The following ANKRD17 variants were observed in gnomAD, a reference collection of about 807,000 sequenced individuals.
The protein encoded by ANKRD17 is ankyrin repeat domain 17.
ANKRD17 carries 19 observed loss-of-function variants against 229.7 expected under a neutral mutation model. That is an observed-to-expected ratio of 0.08 (90% CI 0.06 to 0.12). The LOEUF (loss-of-function observed/expected upper bound fraction) is 0.12. Among genes scored for constraint, ANKRD17 ranks in the 10% least tolerant of loss-of-function variants. The pLI is 1.00. For missense variants in ANKRD17, 2,176 were observed against 3,176.8 expected (o/e 0.68, Z 7.57); for synonymous variants, 1,112 against 1,146.1 (o/e 0.97, Z 0.60).
intron 30 of ANKRD17, among the ~76,000 whole-genome samples, chr4:73,082,108 C>T (rs925029766): frequency 8.7e-5 from 13 of 149,032 alleles, no homozygotes; most frequent in Non-Finnish European, 1.5e-4. Context: ...CAAGATTGTG[C>T]CACTACATTC....
intron 28 of ANKRD17, 30 bp from the exon 29 acceptor site, chr4:73,092,330 A>G: frequency 1.3e-6 from 2 of 1,554,520 alleles, no homozygotes; most frequent in Non-Finnish European, 1.7e-6. Flanking sequence ...AATTAGGTAG[A>G]ATTTTCCCTA....
At chr4:73,191,002 A>C (rs1267916739) in intron 1 of ANKRD17, among the ~76,000 whole-genome samples, 3 of 152,162 alleles carry the variant, frequency 2.0e-5, no homozygotes, top group Non-Finnish European at 2.9e-5. Context: ...TTAATCTGTA[A>C]ATTCAATGCA....
In ANKRD17 at chr4:73,139,777, G is replaced by C; in HGVS notation, c.2839C>G (p.Gln947Glu). 1 of 1,614,200 alleles carries C rather than the reference G, an allele frequency of 6.2e-7. No homozygotes were observed. The highest frequency in any genetic ancestry group is 8.5e-7 in the Non-Finnish European group (1 of 1,180,040). The change falls in exon 15 of 34, where the codon CAG becomes GAG. Residue 947 changes from glutamine (Q) to glutamate (E), a missense_variant. Physicochemically the swap from Gln to Glu is conservative, Grantham distance 29 (BLOSUM62 2). This residue lies in a region of ANKRD17 where 230 missense variants were observed against 252.3 expected (regional missense o/e 0.91). Coordinates refer to ENST00000358602, the MANE Select transcript of ANKRD17 (RefSeq NM_032217.5). The part of the protein sequence containing the change: ...LKDEPQQTAA[Q>E]MGFAPIQPLA... Reference sequence around the variant, plus strand: ...GGCTGGATTGGCGCAAAACCCATCTGAGCAGCAGTCTGCTGGGGTTCATCT... The same window carrying C: ...GGCTGGATTGGCGCAAAACCCATCTCAGCAGCAGTCTGCTGGGGTTCATCT...
At position 73,135,261 on chromosome 4, in the gene ANKRD17, G is replaced by A; in HGVS notation, c.3090C>T (p.Val1030=). The A allele has an allele frequency of 6.2e-7, 1 of 1,609,430 alleles. No individual in the cohort carries two copies. The highest frequency in any genetic ancestry group is 8.5e-7 in the Non-Finnish European group (1 of 1,177,346). ...NDTLDDIMAA[V]SGRASAMSNT... ...TTGACATTGCAGATGCTCTTCCACT[G>A]ACTGCTGTTGAACAAAATAACTGCA... is the stretch of plus-strand genomic sequence containing the variant. The change falls in exon 16 of 34, where the codon GTC becomes GTT. Residue 1030 remains valine, a synonymous_variant. Coordinates refer to ENST00000358602, the MANE Select transcript of ANKRD17 (RefSeq NM_032217.5).
chr4:73,183,065 C>A (rs1735792516), intron 1 of ANKRD17, among the ~76,000 whole-genome samples: 1 of 152,140 alleles, frequency 6.6e-6, no homozygotes, highest in Admixed American at 6.5e-5. Flanking sequence ...AAATGTGGAA[C>A]ATTTTGCAGC....
intron 2 of ANKRD17, among the ~76,000 whole-genome samples, chr4:73,169,903 G>T (rs908278849): frequency 1.3e-5 from 2 of 152,120 alleles, no homozygotes; most frequent in Non-Finnish European, 2.9e-5. Flanking sequence ...CAAGGAAATT[G>T]TCCATCCCAG....
intron 24 of ANKRD17, among the ~76,000 whole-genome samples, chr4:73,105,167 A>G (rs1272097204): frequency 1.3e-5 from 2 of 152,160 alleles, no homozygotes. Context: ...AAAATGACCC[A>G]ACTTTACATG....
intron 1 of ANKRD17, among the ~76,000 whole-genome samples, chr4:73,203,413 C>A (rs879666119): frequency 6.6e-6 from 1 of 151,966 alleles, no homozygotes; most frequent in African/African-American, 2.4e-5. Context: ...TATCTAAAAA[C>A]GTGTAACTGG....
intron 1 of ANKRD17, among the ~76,000 whole-genome samples, chr4:73,239,926 G>C (rs941631388): frequency 6.6e-6 from 1 of 152,054 alleles, no homozygotes; most frequent in Non-Finnish European, 1.5e-5. Context: ...CCCCTCAATA[G>C]AATTAAATTT....
At position 73,179,464 on chromosome 4, in the gene ANKRD17, A is replaced by ATGTGTGTG. The variant is rs1449711852; in HGVS notation, c.394-1932_394-1931insCACACACA. ...TATATATATCTGTGTATATATGTATATATGTGTGTGTGTGTGTGTGTGTGT... is the reference window on the plus strand; with the variant it reads ...TATATATATCTGTGTATATATGTATATGTGTGTGTATGTGTGTGTGTGTGTGTGTGTGT... On this transcript the variant is annotated intron_variant, in intron 1 of 33. Transcript: ENST00000358602. Among the ~76,000 whole-genome samples the ATGTGTGTG allele has an allele frequency of 2.0e-4, 18 of 91,924 alleles. No homozygotes were observed. In the South Asian group the frequency reaches 6.2e-3, roughly 32 times the overall value. 60.3% of individuals were successfully genotyped at this position (91,924 alleles called of 152,430 possible). A position where few individuals can be genotyped will look rare whatever the true frequency, so the allele number is the denominator to read the frequency against.
At chr4:73,155,868 A>T in intron 4 of ANKRD17, 90 bp from the exon 5 acceptor site, 9 of 1,499,234 alleles carry the variant, frequency 6.0e-6, no homozygotes, top group Non-Finnish European at 8.1e-6. Flanking sequence ...ACCTAGTCAT[A>T]GTAAAAGAGC....
At chr4:73,123,439 C>T (rs1727018011) in intron 18 of ANKRD17, among the ~76,000 whole-genome samples, 1 of 151,894 alleles carries the variant, frequency 6.6e-6, no homozygotes, top group Non-Finnish European at 1.5e-5. Context: ...AAAAGTGACA[C>T]AAGTAGAAGA....
chr4:73,095,940 T>C (rs1168901643), intron 27 of ANKRD17, among the ~76,000 whole-genome samples: 1 of 152,138 alleles, frequency 6.6e-6, no homozygotes, highest in Non-Finnish European at 1.5e-5. Context: ...TCCTCTTGTC[T>C]TGGCCTCCCA....
At chr4:73,094,626 T>C (rs140808341) in intron 27 of ANKRD17, among the ~76,000 whole-genome samples, 253 of 151,730 alleles carry the variant, frequency 1.7e-3, no homozygotes, top group Non-Finnish European at 2.9e-3. Context: ...AGTGTTGCAA[T>C]AGTATGTGTG....
chr4:73,113,354 G>A lies in ANKRD17; in HGVS notation c.4401+438C>T, dbSNP rs572463725. On this transcript the variant is annotated intron_variant, in intron 24 of 33. Coordinates refer to ENST00000358602, the MANE Select transcript of ANKRD17 (RefSeq NM_032217.5). ...AAGAGAAGTCACCCATTTAAAAAGT[G>A]TACTCATTTGACATTCCAAGATTTG... 1.8e-4 allele frequency: 237 copies of A among 1,289,524 alleles called. 1 individual carries two copies. In the African/African-American group the frequency reaches 3.4e-3, roughly 19 times the overall value. 79.9% of individuals were successfully genotyped at this position (1,289,524 alleles called of 1,614,324 possible).
intron 11 of ANKRD17, among the ~76,000 whole-genome samples, chr4:73,143,769 C>T (rs532416301): frequency 6.6e-6 from 1 of 152,156 alleles, no homozygotes; most frequent in Admixed American, 6.5e-5. Flanking sequence ...GAGACAGGTT[C>T]TCACTCTGTC....
At position 73,090,910 on chromosome 4, in the gene ANKRD17, G is replaced by T. The variant is rs1163089554; in HGVS notation, c.6718C>A (p.Pro2240Thr). The change falls in exon 29 of 34, where the codon CCT (proline) becomes ACT (threonine). Residue 2240 changes from proline (P) to threonine (T), a missense_variant. Around this residue, in one of 18 missense-constraint regions of ANKRD17, gnomAD observed 424 missense variants for 454.0 expected, o/e 0.93. Coordinates refer to ENST00000358602, the MANE Select transcript of ANKRD17 (RefSeq NM_032217.5). Reference protein sequence around the residue: ...CQNSVHPANKPIAPNFSAPLP... With the variant: ...CQNSVHPANKTIAPNFSAPLP... ...GGGGCACTGAAATTGGGAGCAATAG[G>T]CTTATTTGCTGGATGTACTGAATTC... 2 of 1,614,222 alleles carry T rather than the reference G, an allele frequency of 1.2e-6. No individual in the cohort carries two copies. Among genetic ancestry groups the T allele is most frequent in the Admixed American group, 1.7e-5 (1 of 60,020 alleles).
chr4:73,174,113 G>GGAAGGAAA (rs1734411320), intron 2 of ANKRD17, among the ~76,000 whole-genome samples: 1 of 149,816 alleles, frequency 6.7e-6, no homozygotes, highest in South Asian at 2.1e-4. Flanking sequence ...AAGGAAGGAA[G>GGAAGGAAA]GAAGGAAGGA....
chr4:73,203,809 A>G (rs1000512271), intron 1 of ANKRD17, among the ~76,000 whole-genome samples: 1 of 151,848 alleles, frequency 6.6e-6, no homozygotes, highest in African/African-American at 2.4e-5. Flanking sequence ...AAAATTCTCA[A>G]AATTGGATAG....
Sources: gnomAD v4.1 joint callset for allele counts (sites outside exome capture counted in the v4.1 genomes callset) on GRCh38, gnomAD v4.1.1 for gene constraint, gnomAD v4.1.1 regional missense constraint, MANE v1.5 for transcripts, NCBI Gene and HGNC (gene_info 2026-07-23, HGNC 2026-07-21) for gene names.